Variants in TNIK observed in about 807,000 individuals in gnomAD.
TNIK encodes TRAF2 and NCK-interacting protein kinase.
Under a neutral mutation model 191.3 loss-of-function variants are expected in TNIK, and 49 were observed. The observed-to-expected ratio is 0.26, with a 90% CI of 0.20 to 0.32. The LOEUF is 0.32. TNIK is among the 10% of genes least tolerant of loss of function. TNIK has a pLI of 1.00. For missense variants in TNIK, 1,155 were observed against 1,702.3 expected, an observed-to-expected ratio of 0.68 and a Z score of 5.66; for synonymous variants, 594 against 600.9, an observed-to-expected ratio of 0.99 and a Z score of 0.17.
chr3:171,183,626 G>GT (rs1736958917), intron 7 of TNIK, among the ~76,000 whole-genome samples: 1 of 151,990 alleles, frequency 6.6e-6, no homozygotes, highest in African/African-American at 2.4e-5. Context: ...CCTTTTAGGG[G>GT]TAAAAAATGG....
At chr3:171,145,311 C>T (rs1731406360) in intron 12 of TNIK, among the ~76,000 whole-genome samples, 1 of 152,112 alleles carries the variant, frequency 6.6e-6, no homozygotes, top group Non-Finnish European at 1.5e-5. Context: ...TGGTCTCGAT[C>T]TCCTGACCTC....
At chr3:171,155,143 G>T (rs190253134) in intron 12 of TNIK, among the ~76,000 whole-genome samples, 2 of 152,342 alleles carry the variant, frequency 1.3e-5, no homozygotes, top group East Asian at 3.9e-4. Flanking sequence ...ATGACTCGCA[G>T]TGAAATACTC....
intron 12 of TNIK, among the ~76,000 whole-genome samples, chr3:171,147,880 A>G (rs1259202887): frequency 6.6e-6 from 1 of 152,158 alleles, no homozygotes; most frequent in Non-Finnish European, 1.5e-5. Flanking sequence ...TGGGTCCACA[A>G]GAAGCATCTG....
chr3:171,347,931 A>T (rs1329332699), intron 2 of TNIK, among the ~76,000 whole-genome samples: 1 of 152,160 alleles, frequency 6.6e-6, no homozygotes, highest in East Asian at 1.9e-4. Flanking sequence ...GCTCTAAGAA[A>T]AGAAGACTTA....
At chr3:171,367,482 G>C (rs946098286) in intron 2 of TNIK, among the ~76,000 whole-genome samples, 7 of 151,360 alleles carry the variant, frequency 4.6e-5, no homozygotes, top group Admixed American at 3.9e-4. Flanking sequence ...TTGGGGGGGG[G>C]GGGAGGGGAC....
intron 1 of TNIK, among the ~76,000 whole-genome samples, chr3:171,384,962 G>C (rs538082059): frequency 2.0e-5 from 3 of 152,174 alleles, no homozygotes; most frequent in Non-Finnish European, 2.9e-5. Context: ...AAGTTAAAAT[G>C]AGCTAAAGAG....
intron 1 of TNIK, among the ~76,000 whole-genome samples, chr3:171,412,630 C>T (rs1402875698): frequency 6.6e-6 from 1 of 152,184 alleles, no homozygotes; most frequent in Non-Finnish European, 1.5e-5. Flanking sequence ...CAAGAGCTAA[C>T]ACCCAAGTTT....
At chr3:171,076,810 A>C (rs961739454) in intron 28 of TNIK, among the ~76,000 whole-genome samples, 4 of 152,104 alleles carry the variant, frequency 2.6e-5, no homozygotes, top group Non-Finnish European at 5.9e-5. Context: ...ACATGATTAT[A>C]ATGTTATTCC....
chr3:171,296,837 A>T (rs1752337181), intron 2 of TNIK, among the ~76,000 whole-genome samples: 1 of 152,190 alleles, frequency 6.6e-6, no homozygotes, highest in Non-Finnish European at 1.5e-5. Flanking sequence ...CCCTCACAAA[A>T]CAACTTTCTC....
intron 3 of TNIK, among the ~76,000 whole-genome samples, chr3:171,216,893 A>G (rs1462621865): frequency 6.6e-6 from 1 of 152,126 alleles, no homozygotes; most frequent in African/African-American, 2.4e-5. Flanking sequence ...GAGTCATCCA[A>G]CGAGTTGTCT....
At chr3:171,377,823 A>G (rs1717462217) in intron 1 of TNIK, among the ~76,000 whole-genome samples, 1 of 152,260 alleles carries the variant, frequency 6.6e-6, no homozygotes, top group African/African-American at 2.4e-5. Flanking sequence ...GGCTACAGAC[A>G]TACTGCTCTT....
chr3:171,061,073 A>G lies in TNIK; in HGVS notation c.*2808T>C, dbSNP rs1174717905. Among the ~76,000 whole-genome samples, 3 of 152,046 alleles carry G rather than the reference A, an allele frequency of 2.0e-5. No individual in the cohort carries two copies. The highest frequency in any genetic ancestry group is 2.0e-4 in the Admixed American group (3 of 15,246). On this transcript the variant is annotated 3_prime_UTR_variant, in exon 33 of 33. Coordinates refer to ENST00000436636, the MANE Select transcript of TNIK (RefSeq NM_015028.4). ...GATGAAAAGCAACCGTTCCTCCCCT[A>G]CCCCCAAAAAGAATTAAGGCAATTC...
At chr3:171,334,662 A>G (rs1756765835) in intron 2 of TNIK, among the ~76,000 whole-genome samples, 1 of 152,166 alleles carries the variant, frequency 6.6e-6, no homozygotes, top group South Asian at 2.1e-4. Flanking sequence ...AAAAAAGACT[A>G]GAGGGGGAGA....
At chr3:171,425,804 G>A (rs1216692758) in intron 1 of TNIK, among the ~76,000 whole-genome samples, 3 of 146,002 alleles carry the variant, frequency 2.1e-5, no homozygotes, top group Non-Finnish European at 4.5e-5. Context: ...CTACAGCCTG[G>A]GTGACAGAGT....
chr3:171,297,876 TTGTTTTGCACTTCTAA>T (rs530190614), intron 2 of TNIK, among the ~76,000 whole-genome samples: 101 of 152,346 alleles, frequency 6.6e-4, no homozygotes, highest in Middle Eastern at 6.8e-3. Context: ...TTACATTCTC[TTGTTTTGCACTTCTAA>T]AGAGTGGCAA....
At chr3:171,448,598 G>A (rs367599124) in intron 1 of TNIK, among the ~76,000 whole-genome samples, 22 of 133,644 alleles carry the variant, frequency 1.6e-4, no homozygotes, top group African/African-American at 5.6e-4. Context: ...GCATGAATAC[G>A]TCCTTAGTTC....
At chr3:171,223,006 G>A (rs1742545474) in intron 3 of TNIK, among the ~76,000 whole-genome samples, 1 of 152,184 alleles carries the variant, frequency 6.6e-6, no homozygotes, top group African/African-American at 2.4e-5. Context: ...TGATCAAAGT[G>A]TTCTACTGAG....
intron 18 of TNIK, among the ~76,000 whole-genome samples, chr3:171,120,598 T>C (rs142921584): frequency 0.044 from 6,730 of 152,220 alleles, 511 homozygotes; most frequent in African/African-American, 0.15. Context: ...GGATTACAGG[T>C]GTGAGCCACC....
chr3:171,082,887 A>C (rs965724606), intron 26 of TNIK, among the ~76,000 whole-genome samples: 3 of 152,204 alleles, frequency 2.0e-5, no homozygotes, highest in African/African-American at 7.2e-5. Context: ...ATCAAAATGT[A>C]ACTATCTTAT....
Sources: allele counts gnomAD v4.1 joint callset (sites outside exome capture counted in the v4.1 genomes callset), GRCh38; gene constraint gnomAD v4.1.1; transcripts MANE v1.5; gene names NCBI Gene and HGNC (gene_info 2026-07-23, HGNC 2026-07-21).